The following PARD3 variants were observed in gnomAD, a reference collection of about 807,000 sequenced individuals.
PARD3 encodes the protein partitioning defective 3 homolog.
Under a neutral mutation model 155.4 loss-of-function variants are expected in PARD3, and 75 were observed. That is an observed-to-expected ratio of 0.48 (90% CI 0.40 to 0.58). PARD3 has a LOEUF of 0.58. Among genes scored for constraint, PARD3 ranks in the 20% least tolerant of loss-of-function variants. PARD3 has a pLI of 0.00. For synonymous variants in PARD3, 576 were observed against 610.5 expected, an observed-to-expected ratio of 0.94 and a Z score of 0.83; for missense variants, 1,642 against 1,721.7, an observed-to-expected ratio of 0.95 and a Z score of 0.82.
At chr10:34,781,250 C>T (rs1840205026) in intron 1 of PARD3, among the ~76,000 whole-genome samples, 1 of 152,212 alleles carries the variant, frequency 6.6e-6, no homozygotes, top group Non-Finnish European at 1.5e-5. Context: ...AAAAGAGATA[C>T]CCCTCTGCAG....
chr10:34,173,162 C>T lies in PARD3; in HGVS notation c.3420-41579G>A, dbSNP rs780921909. ...TCACAACTACATCTGAATCTCTGTG[C>T]GGGTATCGGCTGTGTCTTCCTCCTT... On this transcript the variant is annotated intron_variant, in intron 22 of 24. Transcript: ENST00000374788. Among the ~76,000 whole-genome samples, 31 of 152,164 alleles carry T rather than the reference C, an allele frequency of 2.0e-4. 1 individual carries two copies. The highest frequency in any genetic ancestry group is 6.0e-4 in the African/African-American group (25 of 41,428).
intron 5 of PARD3, among the ~76,000 whole-genome samples, chr10:34,428,823 T>C (rs909708989): frequency 2.0e-5 from 3 of 152,204 alleles, no homozygotes; most frequent in African/African-American, 2.4e-5. Context: ...CTAAATTTTA[T>C]GTAAGCTTGC....
intron 22 of PARD3, among the ~76,000 whole-genome samples, chr10:34,257,252 A>G (rs765639168): frequency 7.2e-5 from 11 of 152,262 alleles, no homozygotes; most frequent in Non-Finnish European, 1.6e-4. Context: ...GGGACTCCAC[A>G]TAAATCCTCA....
chr10:34,145,221 A>ATATATATTTTTTTTT (rs1491430560), intron 22 of PARD3, among the ~76,000 whole-genome samples: 1 of 33,970 alleles, frequency 2.9e-5, no homozygotes, highest in African/African-American at 1.4e-4. Flanking sequence ...ATATATATAT[A>ATATATATTTTTTTTT]TTTTTTTTTT....
intron 3 of PARD3, among the ~76,000 whole-genome samples, chr10:34,507,481 T>C (rs1264118202): frequency 6.7e-6 from 1 of 148,678 alleles, no homozygotes; most frequent in Non-Finnish European, 1.5e-5. Flanking sequence ...TACTCAGCTC[T>C]CTGCCTGTGC....
intron 1 of PARD3, among the ~76,000 whole-genome samples, chr10:34,772,273 A>G (rs1838980238): frequency 6.6e-6 from 1 of 151,104 alleles, no homozygotes. Flanking sequence ...AAATACAAAA[A>G]ATTAGCAAGG....
intron 23 of PARD3, among the ~76,000 whole-genome samples, chr10:34,121,111 C>T (rs1226670578): frequency 6.6e-6 from 1 of 151,714 alleles, no homozygotes; most frequent in African/African-American, 2.4e-5. Flanking sequence ...AAAAAACATA[C>T]TTTGGTCAGC....
intron 1 of PARD3, among the ~76,000 whole-genome samples, chr10:34,698,852 A>G (rs2094222028): frequency 6.6e-6 from 1 of 152,224 alleles, no homozygotes; most frequent in Non-Finnish European, 1.5e-5. Context: ...CGGTTATTAT[A>G]CCAATTCTTT....
Position 34,620,288 on chromosome 10 carries a change from C to T in PARD3, c.222+76030G>A, listed in dbSNP as rs191965130. 6.3e-4 allele frequency among the ~76,000 whole-genome samples: 96 copies of T among 152,254 alleles called. 2 individuals carry two copies. In the East Asian group the frequency reaches 0.015, roughly 24 times the overall value. ...CTGGTAGCCAAAGCAGTGAAACCCA[C>T]GCCCATTTGTGATCCCAGATCCCAT... On this transcript the variant is annotated intron_variant, in intron 2 of 24. Transcript: ENST00000374788.
At chr10:34,526,983 AACTCTAT>A (rs1010793613) in intron 2 of PARD3, among the ~76,000 whole-genome samples, 3 of 152,148 alleles carry the variant, frequency 2.0e-5, no homozygotes, top group Admixed American at 6.6e-5. Context: ...CCATCTGGTA[AACTCTAT>A]ACTTTATTTT....
intron 24 of PARD3, among the ~76,000 whole-genome samples, chr10:34,114,420 T>C (rs1399078438): frequency 6.6e-6 from 1 of 152,176 alleles, no homozygotes; most frequent in African/African-American, 2.4e-5. Context: ...CTTGGCTCAC[T>C]GCAACTTCTA....
chr10:34,672,613 T>C (rs2093629460), intron 2 of PARD3, among the ~76,000 whole-genome samples: 1 of 152,104 alleles, frequency 6.6e-6, no homozygotes, highest in African/African-American at 2.4e-5. Context: ...AGGTCAGGAG[T>C]TCGAGGTTCC....
intron 12 of PARD3, among the ~76,000 whole-genome samples, chr10:34,369,550 A>G (rs1840371030): frequency 6.6e-6 from 1 of 152,334 alleles, no homozygotes; most frequent in Admixed American, 6.5e-5. Flanking sequence ...TAGGACTGCA[A>G]CGTTATAAGC....
chr10:34,198,143 GT>G (rs1471578242), intron 22 of PARD3, among the ~76,000 whole-genome samples: 1 of 152,178 alleles, frequency 6.6e-6, no homozygotes, highest in African/African-American at 2.4e-5. Context: ...AATTAAAGTT[GT>G]AAAAAATTCA....
chr10:34,543,458 C>G (rs567457061), intron 2 of PARD3, among the ~76,000 whole-genome samples: 1 of 152,168 alleles, frequency 6.6e-6, no homozygotes, highest in African/African-American at 2.4e-5. Context: ...ACCATGCATA[C>G]TTCAATAAAC....
chr10:34,599,543 A>T (rs528178646), intron 2 of PARD3, among the ~76,000 whole-genome samples: 1 of 152,368 alleles, frequency 6.6e-6, no homozygotes, highest in South Asian at 2.1e-4. Flanking sequence ...GAATGTTGTT[A>T]TCTTCAAGTA....
intron 2 of PARD3, among the ~76,000 whole-genome samples, chr10:34,642,053 C>T (rs751009681): frequency 3.4e-4 from 52 of 152,170 alleles, no homozygotes; most frequent in Non-Finnish European, 6.0e-4. Context: ...GGCACATCAC[C>T]CCTGCGGGCA....
rs995017736 is a variant in PARD3 at position 34,576,650 on chromosome 10, T to C, written c.223-59491A>G. On this transcript the variant is annotated intron_variant, in intron 2 of 24. Coordinates refer to ENST00000374788, the MANE Select transcript of PARD3 (RefSeq NM_001184785.2). Reference sequence around the variant, plus strand: ...CCTGACTGCACTAATCAGAACTCTATTGAAGGAGATGACTGTGTGAATTTA... The same window carrying C: ...CCTGACTGCACTAATCAGAACTCTACTGAAGGAGATGACTGTGTGAATTTA... Among the ~76,000 whole-genome samples, 5 of 152,120 alleles carry C rather than the reference T, an allele frequency of 3.3e-5. No individual in the cohort carries two copies. The South Asian group carries it at 8.3e-4, about 25-fold the overall frequency.
At chr10:34,438,367 T>A (rs1481051188) in intron 5 of PARD3, among the ~76,000 whole-genome samples, 1 of 152,176 alleles carries the variant, frequency 6.6e-6, no homozygotes, top group Admixed American at 6.5e-5. Context: ...AGATGCTAAG[T>A]TATAAGCAAT....
Sources: allele counts gnomAD v4.1 joint callset (sites outside exome capture counted in the v4.1 genomes callset), GRCh38; gene constraint gnomAD v4.1.1; transcripts MANE v1.5; gene names NCBI Gene and HGNC (gene_info 2026-07-23, HGNC 2026-07-21).